STAG1: variants seen among roughly 807,000 people sequenced by gnomAD.
The protein encoded by STAG1 is STAG1 cohesin complex component.
Under a neutral mutation model 170.9 loss-of-function variants are expected in STAG1, and 26 were observed. That is an observed-to-expected ratio of 0.15 (90% CI 0.11 to 0.21). The LOEUF is 0.21. Among genes scored for constraint, STAG1 ranks in the 10% least tolerant of loss-of-function variants. The pLI is 1.00. For missense variants in STAG1, 964 were observed against 1,509.5 expected (o/e 0.64, Z 5.99); for synonymous variants, 514 against 497.7 (o/e 1.03, Z -0.44).
intron 11 of STAG1, among the ~76,000 whole-genome samples, chr3:136,473,258 A>G (rs372245222): frequency 3.9e-5 from 6 of 152,140 alleles, no homozygotes; most frequent in African/African-American, 1.2e-4. Flanking sequence ...GGTGAGTTGT[A>G]TAATTGTTTC....
At chr3:136,469,856 A>C (rs1426481306) in intron 12 of STAG1, among the ~76,000 whole-genome samples, 6 of 152,072 alleles carry the variant, frequency 3.9e-5, no homozygotes, top group Non-Finnish European at 7.4e-5. Context: ...CTGATCTTTG[A>C]CAAACCTGAC....
chr3:136,603,196 AT>A (rs112085833), intron 4 of STAG1, among the ~76,000 whole-genome samples: 126 of 146,716 alleles, frequency 8.6e-4, no homozygotes, highest in Admixed American at 7.6e-4. Flanking sequence ...CAATTACCTA[AT>A]TTTTTTTTTT....
intron 6 of STAG1, among the ~76,000 whole-genome samples, chr3:136,530,392 T>A (rs1051486565): frequency 6.6e-6 from 1 of 152,168 alleles, no homozygotes; most frequent in Non-Finnish European, 1.5e-5. Context: ...GGACATTTTA[T>A]CCAACAACTG....
chr3:136,535,333 A>G (rs868075937), intron 6 of STAG1, among the ~76,000 whole-genome samples: 1 of 152,202 alleles, frequency 6.6e-6, no homozygotes, highest in Non-Finnish European at 1.5e-5. Flanking sequence ...GGCTTGGGTG[A>G]CTACAGTTAA....
chr3:136,635,043 T>C (rs966920181), intron 1 of STAG1, among the ~76,000 whole-genome samples: 18 of 152,160 alleles, frequency 1.2e-4, no homozygotes, highest in African/African-American at 4.1e-4. Context: ...CCTTACTGCT[T>C]AATTATACCA....
rs530366616 is a variant in STAG1 at position 136,339,193 on chromosome 3, C to CA, written c.3673-744dup. Among the ~76,000 whole-genome samples, 59 of 152,156 alleles carry CA rather than the reference C, an allele frequency of 3.9e-4. No homozygotes were observed. The East Asian group carries it at 9.9e-3, about 25-fold the overall frequency. ...ATCTACAAGCCAAGGAGAGAAGCCT[C>CA]AAAAGAAATCACCTTCATCTCAGGA... On this transcript the variant is annotated intron_variant, in intron 32 of 33. Transcript: ENST00000383202.
chr3:136,747,093 TAAA>T (rs71134408), intron 1 of STAG1, among the ~76,000 whole-genome samples: 49 of 59,320 alleles, frequency 8.3e-4, no homozygotes, highest in African/African-American at 4.1e-3. Flanking sequence ...TGAAACTGTC[TAAA>T]AAAAAAAAAA....
At chr3:136,359,789 G>A (rs1034637748) in intron 26 of STAG1, among the ~76,000 whole-genome samples, 5 of 152,212 alleles carry the variant, frequency 3.3e-5, no homozygotes, top group African/African-American at 9.6e-5. Context: ...GATTACAGGC[G>A]TGAGCCACCA....
intron 30 of STAG1, among the ~76,000 whole-genome samples, chr3:136,342,121 G>C (rs1936003413): frequency 6.6e-6 from 1 of 151,702 alleles, no homozygotes; most frequent in African/African-American, 2.4e-5. Flanking sequence ...CCTGGTTCAA[G>C]GGATTCTTCT....
At position 136,477,311 on chromosome 3, in the gene STAG1, A is replaced by G. The variant is rs773912984; in HGVS notation, c.1004T>C (p.Val335Ala). 6.2e-7 allele frequency: 1 copy of G among 1,613,228 alleles called. No individual in the cohort carries two copies. Among genetic ancestry groups the G allele is most frequent in the Non-Finnish European group, 8.5e-7 (1 of 1,179,660 alleles). Residue 335 changes from valine to alanine, a missense_variant, in exon 10 of 34, where the codon GTT (valine) becomes GCT (alanine). By Grantham distance (64) the Val-to-Ala change is moderately conservative. Around this residue, in one of 11 missense-constraint regions of STAG1, gnomAD observed 57 missense variants for 157.6 expected, o/e 0.36. Transcript: ENST00000383202. ...TACCCTGTCATGAAGAGTCCAGCCA[A>G]CATATTTTAGGTAACTGTCATTTAG... ...AFLNDSYLKY[V>A]GWTLHDRQGE...
intron 23 of STAG1, among the ~76,000 whole-genome samples, chr3:136,373,023 A>G (rs528609803): frequency 6.6e-6 from 1 of 152,288 alleles, no homozygotes; most frequent in South Asian, 2.1e-4. Flanking sequence ...CCTCAATTTC[A>G]GAGCCTGTTA....
intron 22 of STAG1, among the ~76,000 whole-genome samples, chr3:136,385,470 T>C (rs933094349): frequency 6.6e-6 from 1 of 152,126 alleles, no homozygotes; most frequent in Non-Finnish European, 1.5e-5. Context: ...CTAGAGTACC[T>C]GCAGAAAGGA....
At chr3:136,477,534 C>A (rs976016994) in intron 9 of STAG1, 122 bp from the exon 10 acceptor site, 1 of 808,808 alleles carries the variant, frequency 1.2e-6, no homozygotes, top group African/African-American at 1.7e-5. Context: ...TTCTGAATGG[C>A]CTCCAACTTA....
At chr3:136,485,092 G>A (rs1176863474) in intron 9 of STAG1, among the ~76,000 whole-genome samples, 2 of 152,142 alleles carry the variant, frequency 1.3e-5, no homozygotes, top group Non-Finnish European at 2.9e-5. Flanking sequence ...CGGCCATCTT[G>A]GCTCCTCCCT....
chr3:136,562,282 C>CA (rs1286531219), intron 5 of STAG1, among the ~76,000 whole-genome samples: 1 of 146,008 alleles, frequency 6.8e-6, no homozygotes, highest in Non-Finnish European at 1.5e-5. Flanking sequence ...TTTTTTTAGA[C>CA]AGAGTTTCGC....
chr3:136,688,151 T>C (rs1320453996), intron 1 of STAG1, among the ~76,000 whole-genome samples: 1 of 152,152 alleles, frequency 6.6e-6, no homozygotes, highest in Non-Finnish European at 1.5e-5. Flanking sequence ...TGAGGTACTG[T>C]TTCAGTCAGG....
At chr3:136,677,930 ATATAT>A (rs1186128276) in intron 1 of STAG1, among the ~76,000 whole-genome samples, 8 of 147,244 alleles carry the variant, frequency 5.4e-5, no homozygotes, top group South Asian at 2.1e-4. Flanking sequence ...GTACTTTGAT[ATATAT>A]TATATATTAT....
chr3:136,465,074 T>C (rs2089413369), intron 12 of STAG1, 86 bp from the exon 13 acceptor site: 1 of 971,460 alleles, frequency 1.0e-6, no homozygotes, highest in Non-Finnish European at 1.5e-6. Flanking sequence ...AAGTTCATTA[T>C]AAAGCTCAAG....
rs761058713 is a variant in STAG1 at position 136,609,746 on chromosome 3, T to C, written c.133-5273A>G. On this transcript the variant is annotated intron_variant, in intron 3 of 33. Coordinates refer to ENST00000383202, the MANE Select transcript of STAG1 (RefSeq NM_005862.3). Reference sequence around the variant, plus strand: ...AGAAGGGAATCCTACCCACATCCCATTTTTAAAGTGTAAATGCTTTTTGTT... The same window carrying C: ...AGAAGGGAATCCTACCCACATCCCACTTTTAAAGTGTAAATGCTTTTTGTT... 6.0e-4 allele frequency: 102 copies of C among 169,262 alleles called. 1 individual carries two copies. Among genetic ancestry groups the C allele is most frequent in the Non-Finnish European group, 9.1e-4 (72 of 79,388 alleles). 10.5% of individuals were successfully genotyped at this position (169,262 alleles called of 1,614,324 possible).
Sources: allele counts gnomAD v4.1 joint callset (sites outside exome capture counted in the v4.1 genomes callset), GRCh38; gene constraint gnomAD v4.1.1; regional missense constraint gnomAD v4.1.1; transcripts MANE v1.5; gene names NCBI Gene and HGNC (gene_info 2026-07-23, HGNC 2026-07-21).